PADI2: variants seen among roughly 807,000 people sequenced by gnomAD.
PADI2 encodes the protein peptidyl arginine deiminase 2, also known as protein-arginine deiminase type-2.
PADI2 carries 70 observed loss-of-function variants against 81.1 expected under a neutral mutation model. The observed-to-expected ratio is 0.86, with a 90% CI of 0.71 to 1.05. The LOEUF (loss-of-function observed/expected upper bound fraction) is 1.05, where lower values mean the gene tolerates loss of function less well. Ranked by LOEUF, PADI2 falls within the 50% of genes least tolerant of loss-of-function variation. The probability of loss-of-function intolerance (pLI) is 0.00; values close to 1 mark genes in which losing one functional copy is unlikely to be tolerated. For synonymous variants in PADI2, 338 were observed against 358.0 expected (o/e 0.94, Z 0.63); for missense variants, 853 against 889.9 (o/e 0.96, Z 0.53).
At chr1:17,082,201 C>T (rs919388352) in intron 10 of PADI2, among the ~76,000 whole-genome samples, 4 of 152,136 alleles carry the variant, frequency 2.6e-5, no homozygotes, top group Admixed American at 2.6e-4. Flanking sequence ...TTGACAATTG[C>T]ATAACTATGT....
intron 7 of PADI2, among the ~76,000 whole-genome samples, chr1:17,086,003 C>T (rs1305826906): frequency 6.6e-6 from 1 of 152,220 alleles, no homozygotes; most frequent in African/African-American, 2.4e-5. Flanking sequence ...CAGTTTCTCC[C>T]CAAAGCAAGA....
chr1:17,116,358 CAGA>C (rs1195160761), intron 1 of PADI2, among the ~76,000 whole-genome samples: 1 of 152,156 alleles, frequency 6.6e-6, no homozygotes, highest in Non-Finnish European at 1.5e-5. Flanking sequence ...CTTTGCGACT[CAGA>C]AGGAGTGAGG....
intron 1 of PADI2, among the ~76,000 whole-genome samples, chr1:17,110,308 G>A (rs995941776): frequency 6.6e-6 from 1 of 152,162 alleles, no homozygotes; most frequent in African/African-American, 2.4e-5. Context: ...AGGCTAAGGA[G>A]AGCATGGATG....
intron 6 of PADI2, among the ~76,000 whole-genome samples, chr1:17,091,169 G>C (rs1475521151): frequency 6.7e-6 from 1 of 150,348 alleles, no homozygotes; most frequent in Non-Finnish European, 1.5e-5. Context: ...TGCCATCCTG[G>C]CTAAATATCT....
intron 6 of PADI2, among the ~76,000 whole-genome samples, chr1:17,086,936 C>T (rs570328814): frequency 6.6e-6 from 1 of 152,254 alleles, no homozygotes; most frequent in East Asian, 1.9e-4. Flanking sequence ...TTTTGGCTTC[C>T]CCATCTATAA....
intron 1 of PADI2, among the ~76,000 whole-genome samples, chr1:17,107,498 A>G (rs1209524521): frequency 1.3e-5 from 2 of 152,194 alleles, no homozygotes; most frequent in African/African-American, 4.8e-5. Context: ...GCGGGGCCCC[A>G]TCTCAGAGCA....
At chr1:17,079,730 T>A (rs570864557) in intron 10 of PADI2, among the ~76,000 whole-genome samples, 282 of 152,090 alleles carry the variant, frequency 1.9e-3, no homozygotes, top group Non-Finnish European at 3.4e-3. Flanking sequence ...CAAGCACAGA[T>A]ACATATTGGT....
chr1:17,072,740 C>T (rs1309502661), intron 13 of PADI2, among the ~76,000 whole-genome samples: 1 of 151,710 alleles, frequency 6.6e-6, no homozygotes, highest in Non-Finnish European at 1.5e-5. Context: ...TGTCCCCAAA[C>T]TGTATTCTAT....
chr1:17,092,787 A>G (rs1930749367), intron 5 of PADI2, among the ~76,000 whole-genome samples: 1 of 151,564 alleles, frequency 6.6e-6, no homozygotes, highest in African/African-American at 2.4e-5. Flanking sequence ...CATCTTTACA[A>G]AAATAAAAAA....
rs1372234966 is a variant in PADI2 at position 17,119,238 on chromosome 1, G to A, written c.92+42C>T. 2 of 1,371,418 alleles carry A rather than the reference G, an allele frequency of 1.5e-6. No individual in the cohort carries two copies. Among genetic ancestry groups the A allele is most frequent in the East Asian group, 3.0e-5 (1 of 33,838 alleles). 85.0% of individuals were successfully genotyped at this position (1,371,418 alleles called of 1,614,324 possible). ...GTCTGAGCGCGTCTCAGGATTTCTGGGCTCGAGATCTCGGCCCGGGCATCA... is the reference window on the plus strand; with the variant it reads ...GTCTGAGCGCGTCTCAGGATTTCTGAGCTCGAGATCTCGGCCCGGGCATCA... On this transcript the variant is annotated intron_variant, in intron 1 of 15. Coordinates refer to ENST00000375486, the MANE Select transcript of PADI2 (RefSeq NM_007365.3). The surrounding 1 kb of genome is among the most constrained non-coding windows in gnomAD (Gnocchi z 4.8).
In PADI2 at chr1:17,068,902, G is replaced by C. The variant is rs1301182290; in HGVS notation, c.*142C>G. On this transcript the variant is annotated 3_prime_UTR_variant, in exon 16 of 16. Coordinates refer to ENST00000375486, the MANE Select transcript of PADI2 (RefSeq NM_007365.3). ...TGAGGCCCCTCTCAGGGAGGGCAAG[G>C]CACAGATACCCCAAATTCCACCCCA... 1.5e-6 allele frequency: 1 copy of C among 677,540 alleles called. No homozygotes were observed. Among genetic ancestry groups the C allele is most frequent in the Non-Finnish European group, 2.6e-6 (1 of 378,594 alleles). The allele number at this position is 677,540 out of a possible 1,614,324, so 42.0% of individuals were successfully genotyped here. A position where few individuals can be genotyped will look rare whatever the true frequency, so the allele number is the denominator to read the frequency against.
rs1569584473 is a variant in PADI2, at chr1:17,104,984, T to C, written c.170A>G (p.Glu57Gly). The change falls in exon 2 of 16, where the codon GAG (glutamate) becomes GGG (glycine). Residue 57 changes from glutamate (E) to glycine (G), a missense_variant. Physicochemically the swap from Glu to Gly is moderately conservative, Grantham distance 98. Coordinates refer to ENST00000375486, the MANE Select transcript of PADI2 (RefSeq NM_007365.3). ...GCCATTGGTGGCCACCTCCTCAGCC[T>C]CCCCATCACGCACCACCTCCACCCA... ...HVWVEVVRDG[E>G]AEEVATNGKQ... 6.2e-7 allele frequency: 1 copy of C among 1,606,250 alleles called. No individual in the cohort carries two copies. The highest frequency in any genetic ancestry group is 8.5e-7 in the Non-Finnish European group (1 of 1,177,050).
intron 3 of PADI2, among the ~76,000 whole-genome samples, chr1:17,102,751 T>TG (rs3036928): frequency 0.019 from 2,690 of 139,520 alleles, 84 homozygotes; most frequent in African/African-American, 0.058. Context: ...CCTTGACACT[T>TG]GGGGGGGGGT....
At position 17,095,308 on chromosome 1, in the gene PADI2, C is replaced by T. The variant is rs149668105; in HGVS notation, c.411+601G>A. On this transcript the variant is annotated intron_variant, in intron 4 of 15. Transcript: ENST00000375486. Reference sequence around the variant, plus strand: ...AAAAATACATGCACACCAACCACACCACATGCCTCCTGAGAGTCACCAGAG... The same window carrying T: ...AAAAATACATGCACACCAACCACACTACATGCCTCCTGAGAGTCACCAGAG... 1.8e-3 allele frequency among the ~76,000 whole-genome samples: 275 copies of T among 152,308 alleles called. 5 individuals carry two copies. In the East Asian group the frequency reaches 0.04, roughly 22 times the overall value.
chr1:17,099,808 T>C (rs2101600657), intron 3 of PADI2, among the ~76,000 whole-genome samples: 1 of 152,308 alleles, frequency 6.6e-6, no homozygotes, highest in African/African-American at 2.4e-5. Context: ...GTAAACACCA[T>C]GCAAGGCTGC....
At chr1:17,107,456 G>A (rs569765942) in intron 1 of PADI2, among the ~76,000 whole-genome samples, 182 of 152,310 alleles carry the variant, frequency 1.2e-3, no homozygotes, top group African/African-American at 4.1e-3. Flanking sequence ...TGTCTGGGGC[G>A]GCGGCACCTG....
chr1:17,090,581 T>TGTGTGTGTGTG (rs1553182498), intron 6 of PADI2, among the ~76,000 whole-genome samples: 10 of 142,740 alleles, frequency 7.0e-5, no homozygotes, highest in African/African-American at 2.6e-4. Flanking sequence ...CGTCCTTTGC[T>TGTGTGTGTGTG]TGTGTGTGTG....
chr1:17,116,594 G>A (rs920220687), intron 1 of PADI2, among the ~76,000 whole-genome samples: 4 of 152,162 alleles, frequency 2.6e-5, no homozygotes, highest in African/African-American at 7.2e-5. Context: ...TGAGAGGGCC[G>A]TCCAGTTCAA....
chr1:17,101,190 C>CA, intron 3 of PADI2, among the ~76,000 whole-genome samples: 1 of 152,282 alleles, frequency 6.6e-6, no homozygotes, highest in East Asian at 1.9e-4. Context: ...GCCATGCCGC[C>CA]AACTCTGAGC....
Sources: allele counts gnomAD v4.1 joint callset (sites outside exome capture counted in the v4.1 genomes callset), GRCh38; gene constraint gnomAD v4.1.1; non-coding constraint Gnocchi (gnomAD v3.1); transcripts MANE v1.5; gene names NCBI Gene and HGNC (gene_info 2026-07-23, HGNC 2026-07-21).